ERH: variants seen among roughly 807,000 people sequenced by gnomAD.
The protein encoded by ERH is enhancer of rudimentary homolog.
Under a neutral mutation model 16.8 loss-of-function variants are expected in ERH, and 1 was observed. The ratio of observed to expected loss-of-function variants is 0.06; its 90% CI spans 0.02 to 0.28. The LOEUF (loss-of-function observed/expected upper bound fraction) is 0.28, where lower values mean the gene tolerates loss of function less well. ERH is among the 10% of genes least tolerant of loss of function. ERH has a pLI of 1.00. For missense variants in ERH, 42 were observed against 127.5 expected (o/e 0.33, Z 3.23); for synonymous variants, 43 against 43.6 (o/e 0.99, Z 0.05).
chr14:69,386,511 G>A (rs2045894248), intron 3 of ERH: 1 of 152,528 alleles, frequency 6.6e-6, no homozygotes, highest in Non-Finnish European at 1.5e-5. Flanking sequence ...TAACAAATAT[G>A]TTAAAAAATC....
intron 2 of ERH, among the ~76,000 whole-genome samples, chr14:69,390,810 T>C (rs1465073159): frequency 1.3e-5 from 2 of 152,206 alleles, no homozygotes; most frequent in Non-Finnish European, 2.9e-5. Flanking sequence ...AAAGAACTCC[T>C]AAAACTTAAC....
chr14:69,384,503 C>T (rs1419062589), intron 3 of ERH, among the ~76,000 whole-genome samples: 2 of 152,160 alleles, frequency 1.3e-5, no homozygotes, highest in African/African-American at 4.8e-5. Flanking sequence ...AAACATGATC[C>T]TTTGCTTCAA....
chr14:69,385,079 A>G (rs1052263442), intron 3 of ERH, among the ~76,000 whole-genome samples: 4 of 152,158 alleles, frequency 2.6e-5, no homozygotes, highest in African/African-American at 9.7e-5. Context: ...CTCTGTTTCC[A>G]GCACCTCCTC....
chr14:69,391,718 C>T (rs1882215361), intron 2 of ERH, among the ~76,000 whole-genome samples: 1 of 142,008 alleles, frequency 7.0e-6, no homozygotes, highest in African/African-American at 2.6e-5. Context: ...TCTGAAAAGG[C>T]TTCATACTCC....
intron 1 of ERH, among the ~76,000 whole-genome samples, chr14:69,396,266 CAT>C (rs1270261095): frequency 6.6e-6 from 1 of 152,198 alleles, no homozygotes; most frequent in African/African-American, 2.4e-5. Context: ...TTTGGAATAA[CAT>C]AATTTTTTTT....
chr14:69,397,934 C>A, intron 1 of ERH: 1 of 566,154 alleles, frequency 1.8e-6, no homozygotes, highest in Non-Finnish European at 3.2e-6. Flanking sequence ...AACAAAACAC[C>A]TCCCCCACGT....
chr14:69,395,975 G>C (rs895127801), intron 1 of ERH, among the ~76,000 whole-genome samples: 1 of 152,142 alleles, frequency 6.6e-6, no homozygotes, highest in Non-Finnish European at 1.5e-5. Context: ...TTTTCTCAAC[G>C]TGGGCTCTAT....
chr14:69,384,862 C>A (rs143161950), intron 3 of ERH, among the ~76,000 whole-genome samples: 183 of 152,262 alleles, frequency 1.2e-3, no homozygotes, highest in Non-Finnish European at 2.2e-3. Context: ...GTGGATGATT[C>A]TGTCAACACT....
At chr14:69,384,412 G>T (rs2045880127) in intron 3 of ERH, among the ~76,000 whole-genome samples, 1 of 152,184 alleles carries the variant, frequency 6.6e-6, no homozygotes, top group South Asian at 2.1e-4. Context: ...GCTAGCAAAT[G>T]GTAGACCCAG....
At chr14:69,396,473 C>T (rs1882336678) in intron 1 of ERH, among the ~76,000 whole-genome samples, 1 of 152,340 alleles carries the variant, frequency 6.6e-6, no homozygotes, top group African/African-American at 2.4e-5. Flanking sequence ...GTTGGTCAGA[C>T]TGGTCTTGAA....
At position 69,395,474 on chromosome 14, in the gene ERH, C is replaced by G. The variant is rs76234036; in HGVS notation, c.4-562G>C. Among the ~76,000 whole-genome samples, 475 of 152,292 alleles carry G rather than the reference C, an allele frequency of 3.1e-3. 4 individuals carry two copies. Among genetic ancestry groups the G allele is most frequent in the African/African-American group, 0.011 (462 of 41,548 alleles). ...GCTACCTTGCCCTCCTTTTCCTTTTCTATCTTTTCTTCCCAACTAAATTAT... is the reference window on the plus strand; with the variant it reads ...GCTACCTTGCCCTCCTTTTCCTTTTGTATCTTTTCTTCCCAACTAAATTAT... On this transcript the variant is annotated intron_variant, in intron 1 of 3. Coordinates refer to ENST00000557016, the MANE Select transcript of ERH (RefSeq NM_004450.3).
At position 69,380,379 on chromosome 14, in the gene ERH, G is replaced by A. The variant is rs1289988862; in HGVS notation, c.*159C>T. On this transcript the variant is annotated 3_prime_UTR_variant, in exon 4 of 4. Coordinates refer to ENST00000557016, the MANE Select transcript of ERH (RefSeq NM_004450.3). ...AAAAGAGGAGGTAACGGGGGTTTCC[G>A]ATTGAACAAGATCCTCACATTTCAT... 6.8e-6 allele frequency: 3 copies of A among 442,432 alleles called. No individual in the cohort carries two copies. Among genetic ancestry groups the A allele is most frequent in the East Asian group, 3.4e-5 (1 of 29,402 alleles). The allele number at this position is 442,432 out of a possible 1,614,324, so 27.4% of individuals were successfully genotyped here. A position where few individuals can be genotyped will look rare whatever the true frequency, so the allele number is the denominator to read the frequency against.
chr14:69,382,563 G>C (rs150963676), intron 3 of ERH, among the ~76,000 whole-genome samples: 2,366 of 152,186 alleles, frequency 0.016, 32 homozygotes, highest in Non-Finnish European at 0.025. Context: ...CCAGGTGCCA[G>C]TGGCTCATGC....
intron 2 of ERH, among the ~76,000 whole-genome samples, chr14:69,394,611 TAAAC>T (rs3047542): frequency 6.6e-6 from 1 of 151,728 alleles, no homozygotes; most frequent in East Asian, 1.9e-4. Flanking sequence ...AATACATAAA[TAAAC>T]AAACAAATAA....
chr14:69,391,678 A>G (rs1882214428), intron 2 of ERH, among the ~76,000 whole-genome samples: 1 of 150,314 alleles, frequency 6.7e-6, no homozygotes, highest in Admixed American at 6.6e-5. Context: ...AAAAAAAAAA[A>G]AAAGCATATT....
intron 3 of ERH, among the ~76,000 whole-genome samples, chr14:69,386,229 C>T (rs774419872): frequency 5.3e-5 from 8 of 152,178 alleles, no homozygotes; most frequent in Non-Finnish European, 1.0e-4. Context: ...ATGATTGGCT[C>T]CAGTGGTGAT....
intron 3 of ERH, among the ~76,000 whole-genome samples, chr14:69,382,156 C>T (rs1479606881): frequency 6.6e-6 from 1 of 152,176 alleles, no homozygotes; most frequent in Non-Finnish European, 1.5e-5. Context: ...GAAATAAATT[C>T]CAAAGTAGGA....
chr14:69,391,861 T>C (rs1251297262), intron 2 of ERH, among the ~76,000 whole-genome samples: 1 of 152,004 alleles, frequency 6.6e-6, no homozygotes, highest in African/African-American at 2.4e-5. Context: ...CTACTCTGTA[T>C]GATACAGTAA....
intron 1 of ERH, among the ~76,000 whole-genome samples, chr14:69,395,700 C>T (rs983467526): frequency 6.6e-6 from 1 of 152,200 alleles, no homozygotes; most frequent in African/African-American, 2.4e-5. Context: ...TTAGACTTAA[C>T]ATTAAAGCAG....
Sources: allele counts gnomAD v4.1 joint callset (sites outside exome capture counted in the v4.1 genomes callset), GRCh38; gene constraint gnomAD v4.1.1; transcripts MANE v1.5; gene names NCBI Gene and HGNC (gene_info 2026-07-23, HGNC 2026-07-21).